Variants in CARS1 observed in about 807,000 individuals in gnomAD.
The protein encoded by CARS1 is cysteine--tRNA ligase, cytoplasmic.
A neutral mutation model predicts 106.2 loss-of-function variants in CARS1; 48 were observed. That is an observed-to-expected ratio of 0.45 (90% CI 0.36 to 0.57). CARS1 has a LOEUF of 0.57. Among genes scored for constraint, CARS1 ranks in the 20% least tolerant of loss-of-function variants. CARS1 has a pLI of 0.00. For missense variants in CARS1, 968 were observed against 1,057.2 expected, an observed-to-expected ratio of 0.92 and a Z score of 1.17; for synonymous variants, 409 against 403.4, an observed-to-expected ratio of 1.01 and a Z score of -0.17.
In CARS1 at chr11:3,041,877, T is replaced by C. The variant is rs1371605718; in HGVS notation, c.366+288A>G. On this transcript the variant is annotated intron_variant, in intron 3 of 22. Transcript: ENST00000380525. This position sits in a 1 kb window ranked among gnomAD's most constrained non-coding sequence, Gnocchi z 4.9. ...GTGGATGACCTCAAGTACTCATGGT[T>C]GGGCAGAGTCCGAGAGACAAGCCAG... is the stretch of plus-strand genomic sequence containing the variant. 6.6e-6 allele frequency among the ~76,000 whole-genome samples: 1 copy of C among 152,176 alleles called. No individual in the cohort carries two copies.
chr11:3,015,702 G>A lies in CARS1; in HGVS notation c.1986+79C>T, dbSNP rs557908149. Reference sequence around the variant, plus strand: ...TGGTGTGGGTGGGCAGACAGAGGAGGGGCAGTTCAGAGGGACACAGAGGGG... The same window carrying A: ...TGGTGTGGGTGGGCAGACAGAGGAGAGGCAGTTCAGAGGGACACAGAGGGG... On this transcript the variant is annotated intron_variant, in intron 17 of 22. Transcript: ENST00000380525. 1.0e-5 allele frequency: 13 copies of A among 1,238,920 alleles called. No individual in the cohort carries two copies. In the South Asian group the frequency reaches 1.4e-4, roughly 14 times the overall value. 76.7% of individuals were successfully genotyped at this position (1,238,920 alleles called of 1,614,324 possible). A position where few individuals can be genotyped will look rare whatever the true frequency, so the allele number is the denominator to read the frequency against.
rs112026522 is a variant in CARS1, at chr11:3,004,376, C to G, written c.2217+990G>C. On this transcript the variant is annotated intron_variant, in intron 20 of 22. Coordinates refer to ENST00000380525, the MANE Select transcript of CARS1 (RefSeq NM_001014437.3). The surrounding 1 kb of genome is among the most constrained non-coding windows in gnomAD (Gnocchi z 5.2). Reference sequence around the variant, plus strand: ...TGCAGGGCTAGGCATAGATGCCTTCCCTGACCTTGTACATCCCATCTATCA... The same window carrying G: ...TGCAGGGCTAGGCATAGATGCCTTCGCTGACCTTGTACATCCCATCTATCA... Among the ~76,000 whole-genome samples, 22 of 152,244 alleles carry G rather than the reference C, an allele frequency of 1.4e-4. No homozygotes were observed. Among genetic ancestry groups the G allele is most frequent in the African/African-American group, 4.8e-4 (20 of 41,470 alleles).
intron 7 of CARS1, among the ~76,000 whole-genome samples, chr11:3,035,134 C>T (rs1401246244): frequency 6.6e-6 from 1 of 152,196 alleles, no homozygotes; most frequent in East Asian, 1.9e-4. Flanking sequence ...CCTCTTAATA[C>T]TGTTACACTA....
At chr11:3,042,089 C>T (rs893389321) in intron 3 of CARS1, 76 bp downstream of exon 3, 16 of 1,082,262 alleles carry the variant, frequency 1.5e-5, no homozygotes, top group Non-Finnish European at 2.0e-5. Context: ...GTCTGTTGTG[C>T]GACAAGGCAC....
intron 1 of CARS1, 77 bp downstream of exon 1, chr11:3,057,266 G>T: frequency 7.7e-7 from 1 of 1,292,822 alleles, no homozygotes; most frequent in Non-Finnish European, 1.1e-6. Flanking sequence ...ATAAGGACTC[G>T]CTGCCCTTCG....
intron 10 of CARS1, 42 bp downstream of exon 10, chr11:3,026,634 C>G (rs1400502056): frequency 6.2e-7 from 1 of 1,606,884 alleles, no homozygotes; most frequent in Non-Finnish European, 8.5e-7. Flanking sequence ...CAGGCTGGGC[C>G]AGGAGGGAGA....
At chr11:3,055,165 A>ATT (rs369101566) in intron 1 of CARS1, 281 of 470,710 alleles carry the variant, frequency 6.0e-4, no homozygotes, top group South Asian at 1.2e-3. Flanking sequence ...TTACGATTGG[A>ATT]TTTTTTTTTT....
chr11:3,047,797 A>C lies in CARS1; in HGVS notation c.230T>G (p.Leu77Arg), dbSNP rs1190768870. 1 of 1,614,040 alleles carries C rather than the reference A, an allele frequency of 6.2e-7. No homozygotes were observed. ...CTGGCCTTTGCCACAGGGGCTACCC[A>C]GGAGCGCTTCTATGTGCCTGAACCA... ...ARWFRHIEAL[L>R]GSPCGKGQPC... is the part of the protein sequence containing the mutation. Residue 77 changes from leucine (L) to arginine (R), a missense_variant, in exon 2 of 23, where the codon CTG becomes CGG. Transcript: ENST00000380525.
chr11:3,036,493 A>T (rs994064784), intron 7 of CARS1, among the ~76,000 whole-genome samples: 7 of 152,194 alleles, frequency 4.6e-5, no homozygotes, highest in Non-Finnish European at 7.3e-5. Context: ...ATACCACCTC[A>T]CACCTACTGG....
Position 3,037,906 on chromosome 11 carries a change from C to A in CARS1, c.801+144G>T. On this transcript the variant is annotated intron_variant, in intron 7 of 22. Transcript: ENST00000380525. The surrounding 1 kb of genome is among the most constrained non-coding windows in gnomAD (Gnocchi z 5.9). ...CTGACTCAGCCACCGCAGAACAGGGCCGCCTGCCACAGTGGAGCTACTGGA... is the reference window on the plus strand; with the variant it reads ...CTGACTCAGCCACCGCAGAACAGGGACGCCTGCCACAGTGGAGCTACTGGA... 8.8e-6 allele frequency: 7 copies of A among 797,702 alleles called. No individual in the cohort carries two copies. The highest frequency in any genetic ancestry group is 1.4e-5 in the Non-Finnish European group (7 of 514,350). The allele number at this position is 797,702 out of a possible 1,614,324, so 49.4% of individuals were successfully genotyped here.
In CARS1 at chr11:3,018,537, C is replaced by T. The variant is rs369480020; in HGVS notation, c.1526-26G>A. On this transcript the variant is annotated intron_variant, in intron 13 of 22. Coordinates refer to ENST00000380525, the MANE Select transcript of CARS1 (RefSeq NM_001014437.3). ...CTGTGGGGGGACACAAGACAGCCAA[C>T]GCCCTTATTCTCCCGAGTGCTACAG... The T allele has an allele frequency of 1.9e-5, 30 of 1,611,910 alleles. No homozygotes were observed. The African/African-American group carries it at 2.8e-4, about 15-fold the overall frequency.
rs374795732 is a variant in CARS1 at position 3,043,561 on chromosome 11, A to G, written c.275-1305T>C. Reference sequence around the variant, plus strand: ...TACGAGATGGATACTCCTAGCACTGACCTGTGCCCACCCCAGCAGGCCGCC... The same window carrying G: ...TACGAGATGGATACTCCTAGCACTGGCCTGTGCCCACCCCAGCAGGCCGCC... On this transcript the variant is annotated intron_variant, in intron 2 of 22. Coordinates refer to ENST00000380525, the MANE Select transcript of CARS1 (RefSeq NM_001014437.3). The surrounding 1 kb of genome is among the most constrained non-coding windows in gnomAD (Gnocchi z 4.0). 5.3e-4 allele frequency among the ~76,000 whole-genome samples: 80 copies of G among 150,398 alleles called. No individual in the cohort carries two copies. Among genetic ancestry groups the G allele is most frequent in the Middle Eastern group, 6.8e-3 (2 of 292 alleles).
intron 10 of CARS1, among the ~76,000 whole-genome samples, chr11:3,025,479 C>T (rs939460457): frequency 2.6e-5 from 4 of 152,226 alleles, no homozygotes; most frequent in Non-Finnish European, 4.4e-5. Flanking sequence ...CCACCCACCT[C>T]GGCCTCCAAA....
At chr11:3,011,175 C>T (rs992863571) in intron 18 of CARS1, among the ~76,000 whole-genome samples, 5 of 152,244 alleles carry the variant, frequency 3.3e-5, no homozygotes, top group African/African-American at 1.2e-4. Flanking sequence ...TTCAGAACCA[C>T]TCACAGGAAG....
chr11:3,028,428 G>A lies in CARS1; in HGVS notation c.1031+568C>T, dbSNP rs1017035366. ...CCACACATGGGGAGAAAAACCCACCGACCCTGTGGGGCTGGTCCCTACACA... is the reference window on the plus strand; with the variant it reads ...CCACACATGGGGAGAAAAACCCACCAACCCTGTGGGGCTGGTCCCTACACA... On this transcript the variant is annotated intron_variant, in intron 9 of 22. Transcript: ENST00000380525. The surrounding 1 kb of genome is among the most constrained non-coding windows in gnomAD (Gnocchi z 4.4). 2.3e-5 allele frequency: 6 copies of A among 263,976 alleles called. No homozygotes were observed. Among genetic ancestry groups the A allele is most frequent in the African/African-American group, 6.9e-5 (3 of 43,366 alleles). The allele number at this position is 263,976 out of a possible 1,614,324, so 16.4% of individuals were successfully genotyped here. A position where few individuals can be genotyped will look rare whatever the true frequency, so the allele number is the denominator to read the frequency against.
intron 17 of CARS1, among the ~76,000 whole-genome samples, chr11:3,013,626 G>A (rs895137301): frequency 3.3e-5 from 5 of 151,990 alleles, no homozygotes; most frequent in Admixed American, 6.5e-5. Context: ...CGAAGTGGGT[G>A]GATCATGAGG....
chr11:3,048,017 G>A lies in CARS1; in HGVS notation c.26-16C>T. 6.2e-7 allele frequency: 1 copy of A among 1,606,954 alleles called. No individual in the cohort carries two copies. The highest frequency in any genetic ancestry group is 1.3e-5 in the African/African-American group (1 of 74,938). ...TAGTCAGGAGCTGCAAAGACAGAGG[G>A]CACATGGTGTCAGGCAGGCAGGCGG... On this transcript the variant is annotated splice_polypyrimidine_tract_variant and intron_variant, in intron 1 of 22. Coordinates refer to ENST00000380525, the MANE Select transcript of CARS1 (RefSeq NM_001014437.3). The surrounding 1 kb of genome is among the most constrained non-coding windows in gnomAD (Gnocchi z 5.1).
At chr11:3,023,708 T>A (rs1851785138) in intron 10 of CARS1, among the ~76,000 whole-genome samples, 1 of 152,182 alleles carries the variant, frequency 6.6e-6, no homozygotes, top group East Asian at 1.9e-4. Context: ...TGTTTTTCAA[T>A]CTTCTACTTT....
In CARS1 at chr11:3,022,334, T is replaced by C. The variant is rs1851642023; in HGVS notation, c.1154-2002A>G. 2.0e-5 allele frequency among the ~76,000 whole-genome samples: 3 copies of C among 152,312 alleles called. No homozygotes were observed. The highest frequency in any genetic ancestry group is 1.9e-4 in the East Asian group (1 of 5,186). On this transcript the variant is annotated intron_variant, in intron 10 of 22. Transcript: ENST00000380525. This position sits in a 1 kb window ranked among gnomAD's most constrained non-coding sequence, Gnocchi z 4.9. ...AAGGAACTGACTCGTCGCAGAAATG[T>C]GGTTTACCTCCCTGTCCCATGACTT...
Sources: allele counts gnomAD v4.1 joint callset (sites outside exome capture counted in the v4.1 genomes callset), GRCh38; gene constraint gnomAD v4.1.1; non-coding constraint Gnocchi (gnomAD v3.1); transcripts MANE v1.5; gene names NCBI Gene and HGNC (gene_info 2026-07-23, HGNC 2026-07-21).